The following ANO4 variants were observed in gnomAD, a reference collection of about 807,000 sequenced individuals.
ANO4 encodes anoctamin-4.
A neutral mutation model predicts 141.9 loss-of-function variants in ANO4; 69 were observed. The ratio of observed to expected loss-of-function variants is 0.49; its 90% CI spans 0.40 to 0.59. The LOEUF (loss-of-function observed/expected upper bound fraction) is 0.59, where lower values mean the gene tolerates loss of function less well. Among genes scored for constraint, ANO4 ranks in the 20% least tolerant of loss-of-function variants. The pLI, the probability that ANO4 is intolerant of heterozygous loss-of-function variation, is 0.00. For synonymous variants in ANO4, 350 were observed against 394.3 expected (o/e 0.89, Z 1.33); for missense variants, 894 against 1,162.2 (o/e 0.77, Z 3.36).
At chr12:100,994,692 C>A (rs1376359177) in intron 8 of ANO4, among the ~76,000 whole-genome samples, 3 of 152,124 alleles carry the variant, frequency 2.0e-5, no homozygotes, top group Non-Finnish European at 4.4e-5. Flanking sequence ...GAAATTTATG[C>A]TATGCTACGT....
intron 16 of ANO4, among the ~76,000 whole-genome samples, chr12:101,086,080 C>CTGTGTGTGTG (rs56891905): frequency 0.021 from 2,803 of 131,752 alleles, 68 homozygotes; most frequent in Non-Finnish European, 0.032. Flanking sequence ...GTTAACTAGG[C>CTGTGTGTGTG]TGTGTGTGTG....
chr12:101,037,054 A>G, intron 9 of ANO4, 41 bp from the exon 10 acceptor site: 1 of 1,590,792 alleles, frequency 6.3e-7, no homozygotes, highest in Non-Finnish European at 8.6e-7. Context: ...GTGAGTATTC[A>G]AACTCTGTAT....
intron 2 of ANO4, among the ~76,000 whole-genome samples, chr12:100,905,605 G>A (rs1362053145): frequency 6.6e-6 from 1 of 152,150 alleles, no homozygotes; most frequent in Non-Finnish European, 1.5e-5. Flanking sequence ...TGATTGAAGT[G>A]GATTTAAGGG....
In ANO4 at chr12:100,906,572, G is replaced by C. The variant is rs182751814; in HGVS notation, c.55+4732G>C. Among the ~76,000 whole-genome samples, 335 of 152,268 alleles carry C rather than the reference G, an allele frequency of 2.2e-3. 2 individuals are homozygous for C. The highest frequency in any genetic ancestry group is 7.8e-3 in the African/African-American group (323 of 41,552). The stretch of plus-strand genomic sequence containing the variant: ...ATAAAGGGTAGAAGGCAAGATCATT[G>C]AATGAAAAAATTCCTAGGGACTGAG... On this transcript the variant is annotated intron_variant, in intron 2 of 27. Transcript: ENST00000392977.
chr12:100,908,084 G>A (rs1486606607), intron 2 of ANO4, among the ~76,000 whole-genome samples: 1 of 152,242 alleles, frequency 6.6e-6, no homozygotes, highest in African/African-American at 2.4e-5. Context: ...ACTTGGATGA[G>A]TACGGTGGCT....
intron 2 of ANO4, among the ~76,000 whole-genome samples, chr12:100,915,707 T>G (rs1209368707): frequency 6.6e-6 from 1 of 152,188 alleles, no homozygotes; most frequent in Non-Finnish European, 1.5e-5. Flanking sequence ...AGATCTAACA[T>G]GATGGGCCAA....
chr12:101,005,685 C>T (rs1010653830), intron 8 of ANO4, among the ~76,000 whole-genome samples: 5 of 151,938 alleles, frequency 3.3e-5, no homozygotes, highest in East Asian at 1.9e-4. Context: ...GGTATATGTT[C>T]GATAAAGGTA....
intron 9 of ANO4, among the ~76,000 whole-genome samples, chr12:101,036,078 C>A (rs1222786920): frequency 6.6e-6 from 1 of 152,090 alleles, no homozygotes; most frequent in Non-Finnish European, 1.5e-5. Context: ...ATAAAACACA[C>A]AAATGGCCAA....
intron 3 of ANO4, among the ~76,000 whole-genome samples, chr12:100,926,796 T>C (rs890579250): frequency 6.6e-6 from 1 of 152,020 alleles, no homozygotes; most frequent in Non-Finnish European, 1.5e-5. Flanking sequence ...CCAAGACTGA[T>C]GCTTGTATGG....
intron 1 of ANO4, among the ~76,000 whole-genome samples, chr12:100,849,011 G>A (rs959094910): frequency 4.6e-5 from 7 of 152,182 alleles, no homozygotes; most frequent in Non-Finnish European, 8.8e-5. Flanking sequence ...CTTTAAATAA[G>A]ACCTGCATCT....
intron 3 of ANO4, among the ~76,000 whole-genome samples, chr12:100,777,919 ATTTTTTT>A (rs373496240): frequency 7.4e-6 from 1 of 134,906 alleles, no homozygotes; most frequent in Non-Finnish European, 1.6e-5. Context: ...AATGCTTACA[ATTTTTTT>A]TTTTTTTTTT....
chr12:100,755,705 TC>T (rs1455862511), intron 3 of ANO4, among the ~76,000 whole-genome samples: 1 of 151,886 alleles, frequency 6.6e-6, no homozygotes, highest in African/African-American at 2.4e-5. Context: ...GCAAATTTCT[TC>T]CTAGTTTGCT....
At chr12:100,942,726 A>T (rs1303780373) in intron 5 of ANO4, among the ~76,000 whole-genome samples, 191 bp downstream of exon 5, 1 of 152,226 alleles carries the variant, frequency 6.6e-6, no homozygotes, top group Non-Finnish European at 1.5e-5. Context: ...GATAATTTTA[A>T]TGCCAAATGA....
rs57787465 is a variant in ANO4, at chr12:100,993,692, G to A, written c.734+6022G>A. Among the ~76,000 whole-genome samples, 446 of 152,236 alleles carry A rather than the reference G, an allele frequency of 2.9e-3. 3 individuals carry two copies. The highest frequency in any genetic ancestry group is 1.0e-2 in the African/African-American group (414 of 41,524). On this transcript the variant is annotated intron_variant, in intron 8 of 27. Transcript: ENST00000392977. ...AATCCCTTACAGACAAGGAAAAAGAGAGATGAGTGATTTTTTAGGAAATTT... is the reference window on the plus strand; with the variant it reads ...AATCCCTTACAGACAAGGAAAAAGAAAGATGAGTGATTTTTTAGGAAATTT...
intron 14 of ANO4, chr12:101,068,392 G>A: frequency 2.0e-6 from 2 of 985,732 alleles, no homozygotes; most frequent in South Asian, 2.6e-5. Context: ...TTGCCAAGAT[G>A]AAATAAGAAC....
At chr12:100,727,135 A>C (rs560424309) in intron 1 of ANO4, among the ~76,000 whole-genome samples, 1 of 152,324 alleles carries the variant, frequency 6.6e-6, no homozygotes, top group Admixed American at 6.5e-5. Context: ...TAAGAAGAAT[A>C]TATATTCCCT....
intron 14 of ANO4, among the ~76,000 whole-genome samples, chr12:101,052,196 T>G (rs1251667358): frequency 6.6e-6 from 1 of 152,180 alleles, no homozygotes; most frequent in Non-Finnish European, 1.5e-5. Flanking sequence ...TTAGGAATCC[T>G]GACAGAACTC....
At chr12:100,960,653 T>C (rs1024070860) in intron 5 of ANO4, among the ~76,000 whole-genome samples, 28 of 152,134 alleles carry the variant, frequency 1.8e-4, no homozygotes, top group African/African-American at 5.8e-4. Flanking sequence ...CAAAGTTAAA[T>C]TGCTTCCTCA....
intron 1 of ANO4, among the ~76,000 whole-genome samples, chr12:100,867,454 C>T (rs557660241): frequency 8.5e-5 from 13 of 152,218 alleles, no homozygotes; most frequent in African/African-American, 2.6e-4. Context: ...CAAAGACAGT[C>T]GGGTGTAGAG....
Sources: gnomAD v4.1 joint callset for allele counts (sites outside exome capture counted in the v4.1 genomes callset) on GRCh38, gnomAD v4.1.1 for gene constraint, MANE v1.5 for transcripts, NCBI Gene and HGNC (gene_info 2026-07-23, HGNC 2026-07-21) for gene names.